The following PARM1 variants were observed in gnomAD, a reference collection of about 807,000 sequenced individuals.
The protein encoded by PARM1 is WSC4, cell wall integrity and stress response component 4 homolog.
A neutral mutation model predicts 24.6 loss-of-function variants in PARM1; 14 were observed. That is an observed-to-expected ratio of 0.57 (90% CI 0.38 to 0.89). The LOEUF is 0.89. PARM1 is among the 40% of genes least tolerant of loss of function. The pLI is 0.00. For synonymous variants in PARM1, 179 were observed against 156.6 expected (o/e 1.14, Z -1.07); for missense variants, 362 against 380.4 (o/e 0.95, Z 0.40).
chr4:75,045,758 C>T (rs968839993), intron 3 of PARM1, among the ~76,000 whole-genome samples: 3 of 152,214 alleles, frequency 2.0e-5, no homozygotes, highest in Non-Finnish European at 2.9e-5. Context: ...GTGATAGCAA[C>T]AGTGGTTGTG....
intron 3 of PARM1, among the ~76,000 whole-genome samples, chr4:75,043,826 A>G (rs1436924052): frequency 6.6e-6 from 1 of 152,168 alleles, no homozygotes; most frequent in Non-Finnish European, 1.5e-5. Context: ...CCTTATTTCT[A>G]TAGATCAAAG....
In PARM1 at chr4:75,048,668, A is replaced by G. The variant is rs966759205; in HGVS notation, c.*2421A>G. 1 of 150,504 alleles carries G rather than the reference A, an allele frequency of 6.6e-6. No homozygotes were observed. The highest frequency in any genetic ancestry group is 1.5e-5 in the Non-Finnish European group (1 of 67,452). 9.3% of individuals were successfully genotyped at this position (150,504 alleles called of 1,614,324 possible). On this transcript the variant is annotated 3_prime_UTR_variant, in exon 4 of 4. Transcript: ENST00000307428. ...CTATAAACCGTGAACTCAAGCAGGC[A>G]TTTTTTTTTTCTTACCGAAAGGCTG...
Position 74,968,123 on chromosome 4 carries a change from G to T in PARM1, c.43+34753G>T, listed in dbSNP as rs74408578. Among the ~76,000 whole-genome samples, 21 of 152,202 alleles carry T rather than the reference G, an allele frequency of 1.4e-4. No individual in the cohort carries two copies. In the East Asian group the frequency reaches 3.9e-3, roughly 28 times the overall value. On this transcript the variant is annotated intron_variant, in intron 1 of 3. Coordinates refer to ENST00000307428, the MANE Select transcript of PARM1 (RefSeq NM_015393.4). ...ACTTCATTTCTTTTCAACAGTTTAT[G>T]ATATTTAAGGACAAGCCAACCACAG...
chr4:74,979,009 A>C (rs985374014), intron 1 of PARM1, among the ~76,000 whole-genome samples: 5 of 152,146 alleles, frequency 3.3e-5, no homozygotes, highest in Non-Finnish European at 5.9e-5. Context: ...AAAAATATAG[A>C]AACATCTCAA....
At chr4:74,994,801 T>TAAAC (rs1722545397) in intron 1 of PARM1, among the ~76,000 whole-genome samples, 1 of 95,766 alleles carries the variant, frequency 1.0e-5, no homozygotes, top group South Asian at 3.0e-4. Context: ...TCAAAAAATA[T>TAAAC]AAATAAATAA....
chr4:74,996,868 G>A (rs1353301432), intron 1 of PARM1, among the ~76,000 whole-genome samples: 1 of 152,136 alleles, frequency 6.6e-6, no homozygotes, highest in Non-Finnish European at 1.5e-5. Context: ...GCTCATACTT[G>A]CTTAGCTAGT....
chr4:75,044,931 G>A (rs943722487), intron 3 of PARM1, among the ~76,000 whole-genome samples: 3 of 152,142 alleles, frequency 2.0e-5, no homozygotes, highest in Non-Finnish European at 4.4e-5. Flanking sequence ...TCACTATCAT[G>A]AGAACAGCAC....
rs971527424 is a variant in PARM1, at chr4:74,999,748, A to G, written c.44-12677A>G. On this transcript the variant is annotated intron_variant, in intron 1 of 3. Transcript: ENST00000307428. ...ATGAATATGTGCTAGCTTATACCTC[A>G]AAGCACTGATAAAGGCAGGCCAGGT... is the stretch of plus-strand genomic sequence containing the variant. 1.5e-4 allele frequency among the ~76,000 whole-genome samples: 23 copies of G among 152,328 alleles called. 1 individual carries two copies. Among genetic ancestry groups the G allele is most frequent in the African/African-American group, 3.8e-4 (16 of 41,574 alleles).
At chr4:75,017,196 C>T (rs746151496) in intron 2 of PARM1, among the ~76,000 whole-genome samples, 3 of 152,122 alleles carry the variant, frequency 2.0e-5, no homozygotes, top group East Asian at 1.9e-4. Flanking sequence ...GCACCCTTGT[C>T]GGGCAGATCT....
chr4:75,012,836 A>C lies in PARM1; in HGVS notation c.455A>C (p.Gln152Pro). Residue 152 changes from glutamine to proline, a missense_variant, in exon 2 of 4, where the codon CAA becomes CCA. Transcript: ENST00000307428. ...AAEPPTLISP[Q>P]APASSPSSLS... ...GAGCCTCCCACACTCATCTCCCCTCAAGCTCCAGCCTCATCACCCTCATCC... is the reference window on the plus strand; with the variant it reads ...GAGCCTCCCACACTCATCTCCCCTCCAGCTCCAGCCTCATCACCCTCATCC... 1 of 1,613,724 alleles carries C rather than the reference A, an allele frequency of 6.2e-7. No individual in the cohort carries two copies. The highest frequency in any genetic ancestry group is 8.5e-7 in the Non-Finnish European group (1 of 1,179,802).
At chr4:74,997,758 A>G (rs770745685) in intron 1 of PARM1, 4 of 152,184 alleles carry the variant, frequency 2.6e-5, no homozygotes, top group Non-Finnish European at 5.9e-5. Flanking sequence ...AAGCATGTGT[A>G]TATTTGGGGT....
chr4:75,028,268 A>T (rs1244738104), intron 2 of PARM1, among the ~76,000 whole-genome samples: 1 of 152,218 alleles, frequency 6.6e-6, no homozygotes, highest in East Asian at 1.9e-4. Flanking sequence ...TGAAGAGCCT[A>T]GCATAATAAA....
At chr4:74,963,424 TAGATAACCAAATA>T (rs1471564885) in intron 1 of PARM1, among the ~76,000 whole-genome samples, 2 of 152,174 alleles carry the variant, frequency 1.3e-5, no homozygotes, top group African/African-American at 4.8e-5. Context: ...AGCAGATAAA[TAGATAACCAAATA>T]TGGTATATAC....
intron 2 of PARM1, among the ~76,000 whole-genome samples, chr4:75,026,408 C>T (rs1723183989): frequency 6.6e-6 from 1 of 152,192 alleles, no homozygotes; most frequent in Admixed American, 6.5e-5. Flanking sequence ...CCCACAGCTA[C>T]ATATGGCAGT....
At chr4:74,933,475 G>C (rs966125265) in intron 1 of PARM1, 105 bp downstream of exon 1, 2 of 966,192 alleles carry the variant, frequency 2.1e-6, no homozygotes, top group East Asian at 4.9e-5. Flanking sequence ...GTCGCCGCGC[G>C]CCTCCGGGTG....
chr4:75,022,850 T>TA (rs1016682644), intron 2 of PARM1, among the ~76,000 whole-genome samples: 4 of 152,184 alleles, frequency 2.6e-5, no homozygotes, highest in African/African-American at 9.7e-5. Context: ...AGAAAGGTTC[T>TA]AAAAAACTCA....
chr4:75,046,477 G>A lies in PARM1; in HGVS notation c.*230G>A. On this transcript the variant is annotated 3_prime_UTR_variant, in exon 4 of 4. Transcript: ENST00000307428. ...GGAGGCTGATTTGCAGCTGAAGTGG[G>A]CCAGCCTTGCACCAGCCAGGCCAGA... The A allele has an allele frequency of 4.5e-6, 2 of 440,476 alleles. No homozygotes were observed. Among genetic ancestry groups the A allele is most frequent in the Admixed American group, 3.7e-5 (1 of 27,032 alleles). The allele number at this position is 440,476 out of a possible 1,614,324, so 27.3% of individuals were successfully genotyped here.
chr4:74,955,685 C>G (rs1011537214), intron 1 of PARM1, among the ~76,000 whole-genome samples: 4 of 152,176 alleles, frequency 2.6e-5, no homozygotes, highest in African/African-American at 9.7e-5. Flanking sequence ...ACGTCGATCA[C>G]TCTTGCATGA....
intron 1 of PARM1, among the ~76,000 whole-genome samples, chr4:74,986,547 CTA>C (rs1722358911): frequency 6.6e-6 from 1 of 152,084 alleles, no homozygotes; most frequent in Non-Finnish European, 1.5e-5. Context: ...GCATATGTGT[CTA>C]TGTGTGAAAA....
Sources: gnomAD v4.1 joint callset for allele counts (sites outside exome capture counted in the v4.1 genomes callset) on GRCh38, gnomAD v4.1.1 for gene constraint, MANE v1.5 for transcripts, NCBI Gene and HGNC (gene_info 2026-07-23, HGNC 2026-07-21) for gene names.